The following LINGO2 variants were observed in gnomAD, a reference collection of about 807,000 sequenced individuals.
LINGO2 encodes the protein leucine rich repeat and Ig domain containing 2, also known as leucine-rich repeat and immunoglobulin-like domain-containing nogo receptor-interacting protein 2.
LINGO2 carries 14 observed loss-of-function variants against 30.6 expected under a neutral mutation model. The observed-to-expected ratio is 0.46, with a 90% CI of 0.30 to 0.72. The LOEUF is 0.72. Ranked by LOEUF, LINGO2 falls within the 30% of genes least tolerant of loss-of-function variation. The pLI, the probability that LINGO2 is intolerant of heterozygous loss-of-function variation, is 0.07. For missense variants in LINGO2, 729 were observed against 751.7 expected, an observed-to-expected ratio of 0.97 and a Z score of 0.35; for synonymous variants, 317 against 288.5, an observed-to-expected ratio of 1.10 and a Z score of -1.00.
the LINGO2 span, among the ~76,000 whole-genome samples, chr9:29,145,940 T>C: frequency 2.0e-5 from 3 of 152,338 alleles, no homozygotes; most frequent in African/African-American, 7.2e-5. Flanking sequence ...TGTATGTATA[T>C]TATAATTCAG....
the LINGO2 span, among the ~76,000 whole-genome samples, chr9:28,686,605 T>C: frequency 6.6e-6 from 1 of 152,072 alleles, no homozygotes; most frequent in Non-Finnish European, 1.5e-5. Flanking sequence ...CCTGCATTAA[T>C]CCTGGACTAT....
chr9:28,809,949 C>T, the LINGO2 span, among the ~76,000 whole-genome samples: 1 of 152,074 alleles, frequency 6.6e-6, no homozygotes, highest in Non-Finnish European at 1.5e-5. Context: ...ATTTCTGCTA[C>T]CCTTCACCTC....
chr9:28,043,586 A>C (rs1417525219), intron 4 of LINGO2, among the ~76,000 whole-genome samples: 1 of 152,208 alleles, frequency 6.6e-6, no homozygotes, highest in Non-Finnish European at 1.5e-5. Flanking sequence ...CCCATTTTTG[A>C]GAACTTTTCT....
chr9:28,716,963 C>T, the LINGO2 span, among the ~76,000 whole-genome samples: 16 of 151,946 alleles, frequency 1.1e-4, no homozygotes, highest in African/African-American at 2.7e-4. Context: ...TGCAAATATA[C>T]ATTTTAGTAT....
the LINGO2 span, among the ~76,000 whole-genome samples, chr9:28,800,089 A>C: frequency 6.6e-6 from 1 of 152,122 alleles, no homozygotes; most frequent in Non-Finnish European, 1.5e-5. Flanking sequence ...AAGGATGAGC[A>C]GAATCAAAAT....
the LINGO2 span, among the ~76,000 whole-genome samples, chr9:29,077,126 A>T: frequency 6.6e-6 from 1 of 152,232 alleles, no homozygotes; most frequent in Admixed American, 6.5e-5. Context: ...TTATTTTTTT[A>T]AAAACTACCT....
At chr9:28,045,895 C>G (rs1221532482) in intron 4 of LINGO2, among the ~76,000 whole-genome samples, 1 of 152,184 alleles carries the variant, frequency 6.6e-6, no homozygotes, top group African/African-American at 2.4e-5. Flanking sequence ...AACCCACCTC[C>G]TGAGGATTTC....
the LINGO2 span, among the ~76,000 whole-genome samples, chr9:28,769,746 T>C: frequency 6.6e-6 from 1 of 151,062 alleles, no homozygotes; most frequent in Non-Finnish European, 1.5e-5. Flanking sequence ...TACTCAGACA[T>C]TCCTATCATG....
the LINGO2 span, among the ~76,000 whole-genome samples, chr9:28,847,545 T>G: frequency 2.0e-5 from 3 of 146,562 alleles, no homozygotes; most frequent in Non-Finnish European, 4.5e-5. Context: ...CATATCCAAG[T>G]CCACAGATCC....
intron 4 of LINGO2, among the ~76,000 whole-genome samples, chr9:28,293,820 T>A (rs557244552): frequency 1.1e-4 from 17 of 152,358 alleles, no homozygotes; most frequent in African/African-American, 4.1e-4. Flanking sequence ...TATGGAAGTC[T>A]ATCCCAAAGT....
chr9:28,244,065 C>A (rs1821908465), intron 4 of LINGO2, among the ~76,000 whole-genome samples: 2 of 150,382 alleles, frequency 1.3e-5, no homozygotes, highest in South Asian at 2.1e-4. Context: ...AAATTGACCA[C>A]ATAATTGGAA....
chr9:29,081,663 G>T, the LINGO2 span, among the ~76,000 whole-genome samples: 2 of 152,130 alleles, frequency 1.3e-5, no homozygotes, highest in Non-Finnish European at 2.9e-5. Flanking sequence ...CAGATTACAT[G>T]ATTCTATATT....
the LINGO2 span, among the ~76,000 whole-genome samples, chr9:28,702,285 TAGA>T: frequency 3.0e-4 from 45 of 151,842 alleles, no homozygotes; most frequent in Non-Finnish European, 3.1e-4. Context: ...CTTTACCAAG[TAGA>T]AGAAGTTTCC....
the LINGO2 span, among the ~76,000 whole-genome samples, chr9:28,793,395 G>A: frequency 0.15 from 22,368 of 152,012 alleles, 1,854 homozygotes; most frequent in East Asian, 0.33. Context: ...CATAGTCTGC[G>A]CAATCTGTCT....
At chr9:28,878,629 G>T in the LINGO2 span, among the ~76,000 whole-genome samples, 1 of 152,144 alleles carries the variant, frequency 6.6e-6, no homozygotes, top group South Asian at 2.1e-4. Flanking sequence ...ATATCAAAAA[G>T]CTTATCCACC....
Position 28,434,544 on chromosome 9 carries a change from AAAAT to A in LINGO2, c.-279+41392_-279+41395del, listed in dbSNP as rs1182554032. On this transcript the variant is annotated intron_variant, in intron 2 of 5. Transcript: ENST00000379992. ...TCTTGAGCATCAAAAAAAAAAAAAA[AAAAT>A]ACTGGAGATGGGACTTGAGAAATGA... Among the ~76,000 whole-genome samples the A allele has an allele frequency of 7.7e-5, 11 of 142,866 alleles. No individual in the cohort carries two copies. In the Admixed American group the frequency reaches 8.0e-4, roughly 10 times the overall value. The allele number at this position is 142,866 out of a possible 152,430, so 93.7% of individuals were successfully genotyped here. A position where few individuals can be genotyped will look rare whatever the true frequency, so the allele number is the denominator to read the frequency against.
At chr9:28,796,011 C>T in the LINGO2 span, among the ~76,000 whole-genome samples, 6 of 147,400 alleles carry the variant, frequency 4.1e-5, no homozygotes, top group African/African-American at 1.3e-4. Context: ...CACACACACA[C>T]ACACACAATT....
the LINGO2 span, among the ~76,000 whole-genome samples, chr9:28,713,524 C>G: frequency 6.6e-6 from 1 of 152,036 alleles, no homozygotes; most frequent in African/African-American, 2.4e-5. Flanking sequence ...ATGCTCCATG[C>G]TCTTTCCTTC....
At chr9:27,983,951 G>A (rs1030238673) in intron 5 of LINGO2, among the ~76,000 whole-genome samples, 1 of 151,866 alleles carries the variant, frequency 6.6e-6, no homozygotes, top group Non-Finnish European at 1.5e-5. Flanking sequence ...GTCTTGCACA[G>A]TTCCAGGGCT....
Sources: gnomAD v4.1 joint callset for allele counts (sites outside exome capture counted in the v4.1 genomes callset) on GRCh38, gnomAD v4.1.1 for gene constraint, MANE v1.5 for transcripts, NCBI Gene and HGNC (gene_info 2026-07-23, HGNC 2026-07-21) for gene names.